POU6F2: variants seen among roughly 807,000 people sequenced by gnomAD.
The protein encoded by POU6F2 is POU domain, class 6, transcription factor 2.
A neutral mutation model predicts 71.3 loss-of-function variants in POU6F2; 31 were observed. The ratio of observed to expected loss-of-function variants is 0.43; its 90% CI spans 0.33 to 0.59. POU6F2 has a LOEUF of 0.59. POU6F2 is among the 20% of genes least tolerant of loss of function. The pLI, the probability that POU6F2 is intolerant of heterozygous loss-of-function variation, is 0.04. For synonymous variants in POU6F2, 347 were observed against 355.7 expected (o/e 0.98, Z 0.27); for missense variants, 783 against 856.8 (o/e 0.91, Z 1.07).
intron 1 of POU6F2, among the ~76,000 whole-genome samples, chr7:39,080,770 G>A (rs1489802294): frequency 1.3e-5 from 2 of 152,102 alleles, no homozygotes; most frequent in African/African-American, 4.8e-5. Flanking sequence ...AGAGATGTGG[G>A]TATTTCCATC....
At position 39,228,761 on chromosome 7, in the gene POU6F2, T is replaced by G. The variant is rs115593598; in HGVS notation, c.598+21141T>G. Among the ~76,000 whole-genome samples the G allele has an allele frequency of 4.2e-3, 635 of 152,242 alleles. 5 individuals are homozygous for G. Among genetic ancestry groups the G allele is most frequent in the African/African-American group, 0.015 (615 of 41,524 alleles). The stretch of plus-strand genomic sequence containing the variant: ...ACATCAGCATTACAGAAACAAGAGA[T>G]TCAAGAAGAGATGCTAAGTGGAACC... On this transcript the variant is annotated intron_variant, in intron 4 of 9. Transcript: ENST00000518318.
intron 6 of POU6F2, among the ~76,000 whole-genome samples, chr7:39,416,321 C>A (rs1008924526): frequency 6.6e-6 from 1 of 152,160 alleles, no homozygotes; most frequent in Non-Finnish European, 1.5e-5. Flanking sequence ...CAGAGAAAAT[C>A]GCCTTAAGGT....
rs146490777 is a variant in POU6F2 at position 39,131,191 on chromosome 7, C to G, written c.277+45160C>G. On this transcript the variant is annotated intron_variant, in intron 2 of 9. Coordinates refer to ENST00000518318, the MANE Select transcript of POU6F2 (RefSeq NM_001370959.1). ...TCCTCCGGTCCTTTATTGCTTTTTT[C>G]CCCTTCCCCTCCTGAACCAGAGTGG... Among the ~76,000 whole-genome samples the G allele has an allele frequency of 6.4e-3, 970 of 152,210 alleles. 10 individuals are homozygous for G. Among genetic ancestry groups the G allele is most frequent in the African/African-American group, 0.022 (933 of 41,546 alleles).
At chr7:39,274,166 GAA>G (rs1419537302) in intron 4 of POU6F2, among the ~76,000 whole-genome samples, 1 of 151,260 alleles carries the variant, frequency 6.6e-6, no homozygotes, top group Non-Finnish European at 1.5e-5. Context: ...GACTAATAAA[GAA>G]AAAAAGAGAG....
chr7:39,010,891 G>A, intron 1 of POU6F2, among the ~76,000 whole-genome samples: 1 of 151,836 alleles, frequency 6.6e-6, no homozygotes. Context: ...CTGAGAGATA[G>A]TTTGTTATAA....
chr7:39,349,708 A>T (rs1037640738), intron 5 of POU6F2, among the ~76,000 whole-genome samples: 1 of 152,232 alleles, frequency 6.6e-6, no homozygotes, highest in Non-Finnish European at 1.5e-5. Flanking sequence ...CAAGGCTCCT[A>T]TCCTGCTCTT....
intron 1 of POU6F2, among the ~76,000 whole-genome samples, chr7:38,989,204 C>T (rs1788536558): frequency 1.3e-5 from 2 of 152,070 alleles, no homozygotes; most frequent in Non-Finnish European, 2.9e-5. Context: ...ATGTGTCCGA[C>T]TTCAAATACA....
intron 5 of POU6F2, among the ~76,000 whole-genome samples, chr7:39,387,716 A>G (rs1426074352): frequency 2.0e-5 from 3 of 152,236 alleles, no homozygotes; most frequent in African/African-American, 7.2e-5. Flanking sequence ...TTCATTTGCT[A>G]CAGATGCTCT....
intron 1 of POU6F2, among the ~76,000 whole-genome samples, chr7:39,081,968 C>A (rs560657483): frequency 6.6e-6 from 1 of 152,218 alleles, no homozygotes; most frequent in Non-Finnish European, 1.5e-5. Flanking sequence ...AGAAATTTAG[C>A]CCACTGAGCC....
At chr7:39,022,700 G>A (rs702821) in intron 1 of POU6F2, among the ~76,000 whole-genome samples, 5 of 151,992 alleles carry the variant, frequency 3.3e-5, no homozygotes, top group East Asian at 1.9e-4. Flanking sequence ...ACTTTCCCCC[G>A]CTTTTTCCAT....
At chr7:39,432,778 G>GCAGAC (rs1788138288) in intron 6 of POU6F2, among the ~76,000 whole-genome samples, 1 of 152,166 alleles carries the variant, frequency 6.6e-6, no homozygotes, top group African/African-American at 2.4e-5. Flanking sequence ...CTGAGAGAAA[G>GCAGAC]CAGATGTCAG....
chr7:39,112,970 C>CA (rs1009769199), intron 2 of POU6F2, among the ~76,000 whole-genome samples: 60 of 147,702 alleles, frequency 4.1e-4, no homozygotes, highest in African/African-American at 1.1e-3. Context: ...TGCATTTTTA[C>CA]AAAAAAAAAA....
chr7:39,016,905 T>C (rs1479861700), intron 1 of POU6F2, among the ~76,000 whole-genome samples: 1 of 152,164 alleles, frequency 6.6e-6, no homozygotes, highest in Admixed American at 6.5e-5. Flanking sequence ...AAGAGGAGTG[T>C]AAATGTGGCA....
intron 5 of POU6F2, among the ~76,000 whole-genome samples, chr7:39,385,577 A>G (rs1239783769): frequency 6.6e-6 from 1 of 152,224 alleles, no homozygotes; most frequent in Non-Finnish European, 1.5e-5. Flanking sequence ...GTGCCTGAGC[A>G]TTGAACTTCA....
At chr7:39,053,697 G>C (rs192337839) in intron 1 of POU6F2, among the ~76,000 whole-genome samples, 1 of 151,880 alleles carries the variant, frequency 6.6e-6, no homozygotes, top group Admixed American at 6.6e-5. Flanking sequence ...CTCTTCTGGG[G>C]GTTTTAGAAA....
chr7:39,027,451 C>T (rs1789837038), intron 1 of POU6F2, among the ~76,000 whole-genome samples: 1 of 152,136 alleles, frequency 6.6e-6, no homozygotes, highest in South Asian at 2.1e-4. Context: ...AAACCTGTGT[C>T]CAAGCATTAG....
At chr7:39,168,030 AT>A (rs1793146267) in intron 2 of POU6F2, among the ~76,000 whole-genome samples, 1 of 152,080 alleles carries the variant, frequency 6.6e-6, no homozygotes, top group Admixed American at 6.5e-5. Context: ...GCTGGAATTT[AT>A]TTTTTTGTGT....
chr7:39,325,616 A>G (rs1028263204), intron 4 of POU6F2, among the ~76,000 whole-genome samples: 5 of 152,216 alleles, frequency 3.3e-5, no homozygotes, highest in Non-Finnish European at 7.4e-5. Flanking sequence ...GAACTGACAG[A>G]TCACTGGAAA....
intron 2 of POU6F2, among the ~76,000 whole-genome samples, chr7:39,120,334 T>C (rs1792014982): frequency 1.3e-5 from 2 of 152,114 alleles, no homozygotes; most frequent in South Asian, 4.1e-4. Context: ...TGTGTATAAC[T>C]AAAATAAAAA....
Sources: gnomAD v4.1 joint callset for allele counts (sites outside exome capture counted in the v4.1 genomes callset) on GRCh38, gnomAD v4.1.1 for gene constraint, MANE v1.5 for transcripts, NCBI Gene and HGNC (gene_info 2026-07-23, HGNC 2026-07-21) for gene names.